Variants in OPHN1 observed in about 807,000 individuals in gnomAD.
OPHN1 encodes the protein oligophrenin 1.
OPHN1 carries 11 observed loss-of-function variants against 60.7 expected under a neutral mutation model. The ratio of observed to expected loss-of-function variants is 0.18; its 90% confidence interval spans 0.11 to 0.30. OPHN1 has a LOEUF of 0.30. OPHN1 is among the 10% of genes least tolerant of loss of function. The pLI is 1.00. For missense variants in OPHN1, 449 were observed against 611.0 expected, an observed-to-expected ratio of 0.73 and a Z score of 2.80; for synonymous variants, 226 against 222.6, an observed-to-expected ratio of 1.02 and a Z score of -0.14.
intron 7 of OPHN1, among the ~76,000 whole-genome samples, chrX:68,213,612 G>A (rs1202675738): frequency 1.9e-5 from 2 of 106,868 alleles, no homozygotes; most frequent in East Asian, 5.9e-4. Flanking sequence ...CCGGAAGGGG[G>A]GAGGAAAGAG....
At chrX:68,324,943 C>T (rs1452998163) in intron 2 of OPHN1, among the ~76,000 whole-genome samples, 9 of 109,436 alleles carry the variant, frequency 8.2e-5, no homozygotes, top group Non-Finnish European at 1.3e-4. Flanking sequence ...CCCAGCTACG[C>T]GGGAGGCTGA....
chrX:68,120,240 T>C (rs983006687), intron 15 of OPHN1, among the ~76,000 whole-genome samples: 20 of 111,707 alleles, frequency 1.8e-4, no homozygotes, highest in African/African-American at 5.5e-4. Context: ...AGAACTGTGC[T>C]TCTCAGATGA....
intron 2 of OPHN1, among the ~76,000 whole-genome samples, chrX:68,372,732 G>A (rs1203770659): frequency 9.0e-6 from 1 of 110,672 alleles, no homozygotes; most frequent in Non-Finnish European, 1.9e-5. Context: ...CAATTGCAGT[G>A]TCAGTTTCCA....
At chrX:68,129,014 T>G (rs1292060001) in intron 15 of OPHN1, among the ~76,000 whole-genome samples, 1 of 112,275 alleles carries the variant, frequency 8.9e-6, no homozygotes, top group Non-Finnish European at 1.9e-5. Context: ...AAAAATAAGT[T>G]AGATCTCTAT....
intron 4 of OPHN1, among the ~76,000 whole-genome samples, chrX:68,279,892 C>T (rs1293248267): frequency 1.8e-5 from 2 of 111,853 alleles, no homozygotes; most frequent in Admixed American, 1.9e-4. Context: ...AACAACATCT[C>T]AAAAGATGAA....
At position 68,257,523 on chromosome X, in the gene OPHN1, C is replaced by A. The variant is rs771739652; in HGVS notation, c.384+17215G>T. Among the ~76,000 whole-genome samples, 3 of 111,261 alleles carry A rather than the reference C, an allele frequency of 2.7e-5. No individual in the cohort carries two copies. In the South Asian group the frequency reaches 1.1e-3, roughly 42 times the overall value. On this transcript the variant is annotated intron_variant, in intron 5 of 24. Transcript: ENST00000355520. ...TGTAAAATGGGGGATAAAATCTTCACAGGGTACTGTAAAAATTAGATGGCA... is the reference window on the plus strand; with the variant it reads ...TGTAAAATGGGGGATAAAATCTTCAAAGGGTACTGTAAAAATTAGATGGCA...
intron 20 of OPHN1, chrX:68,071,466 G>A (rs1483698634): frequency 8.8e-6 from 8 of 913,773 alleles, no homozygotes; most frequent in Non-Finnish European, 8.0e-6. Context: ...CCACTTCTGG[G>A]CCTACACAGT....
rs73532176 is a variant in OPHN1 at position 68,292,881 on chromosome X, G to A, written c.250+6120C>T. ...ATCACCACAGCAGAAGGTGCATTGG[G>A]CTAGAACTTTCCCCAGAAAAGCTAT... On this transcript the variant is annotated intron_variant, in intron 3 of 24. Transcript: ENST00000355520. 8.0e-3 allele frequency among the ~76,000 whole-genome samples: 892 copies of A among 112,004 alleles called. 8 individuals are homozygous for A. The highest frequency in any genetic ancestry group is 0.027 in the African/African-American group (836 of 30,830).
chrX:68,088,808 CA>C (rs1211489733), intron 19 of OPHN1, among the ~76,000 whole-genome samples: 1 of 110,328 alleles, frequency 9.1e-6, no homozygotes, highest in African/African-American at 3.3e-5. Context: ...AAACAAGGCT[CA>C]GGGGGGTAAA....
At chrX:68,249,565 T>G (rs2077823319) in intron 5 of OPHN1, among the ~76,000 whole-genome samples, 1 of 111,657 alleles carries the variant, frequency 9.0e-6, no homozygotes, top group South Asian at 3.8e-4. Context: ...TCAGCAAATC[T>G]CCCCTCTGTG....
intron 2 of OPHN1, among the ~76,000 whole-genome samples, chrX:68,307,889 T>C (rs1226791852): frequency 8.9e-6 from 1 of 111,842 alleles, no homozygotes; most frequent in Non-Finnish European, 1.9e-5. Flanking sequence ...ACAATAAAAA[T>C]GCCCGAGGGA....
chrX:68,390,545 G>A (rs981414849), intron 2 of OPHN1, among the ~76,000 whole-genome samples: 1 of 111,839 alleles, frequency 8.9e-6, no homozygotes, highest in African/African-American at 3.3e-5. Flanking sequence ...GCTGCAGTCA[G>A]CAGAAATTGC....
chrX:68,154,601 T>A (rs2077299989), intron 15 of OPHN1, among the ~76,000 whole-genome samples: 1 of 112,095 alleles, frequency 8.9e-6, no homozygotes, highest in Non-Finnish European at 1.9e-5. Flanking sequence ...TCTACTATGA[T>A]TCTTATTTTG....
chrX:68,205,239 G>A (rs1023611626), intron 10 of OPHN1, among the ~76,000 whole-genome samples: 4 of 110,761 alleles, frequency 3.6e-5, no homozygotes, highest in Non-Finnish European at 5.7e-5. Flanking sequence ...CCTGAGGTCG[G>A]GAATTCGAGA....
intron 21 of OPHN1, among the ~76,000 whole-genome samples, chrX:68,062,809 C>T (rs774346547): frequency 8.9e-6 from 1 of 112,293 alleles, no homozygotes; most frequent in African/African-American, 3.2e-5. Flanking sequence ...TTATATCTTA[C>T]TATCTTCATA....
intron 2 of OPHN1, among the ~76,000 whole-genome samples, chrX:68,353,597 C>T (rs761088543): frequency 1.4e-4 from 15 of 110,055 alleles, no homozygotes; most frequent in Non-Finnish European, 2.1e-4. Flanking sequence ...AAATAAATAA[C>T]GTGTAAAAAG....
chrX:68,217,172 G>A lies in OPHN1; in HGVS notation c.487-3200C>T, dbSNP rs185421219. Among the ~76,000 whole-genome samples the A allele has an allele frequency of 5.6e-3, 623 of 111,944 alleles. 5 individuals are homozygous for A. The highest frequency in any genetic ancestry group is 0.019 in the African/African-American group (597 of 30,855). The stretch of plus-strand genomic sequence containing the variant: ...GAGTCAAAGAAAGGGGTGACGGATG[G>A]CACCTGGAAAATCGGGTCACTCCCA... On this transcript the variant is annotated intron_variant, in intron 6 of 24. Coordinates refer to ENST00000355520, the MANE Select transcript of OPHN1 (RefSeq NM_002547.3).
intron 15 of OPHN1, among the ~76,000 whole-genome samples, chrX:68,121,034 C>T (rs749859334): frequency 1.8e-5 from 2 of 112,236 alleles, no homozygotes; most frequent in East Asian, 5.7e-4. Context: ...AACCATAAAA[C>T]TACTAGAAGA....
chrX:68,251,669 A>T (rs886891241), intron 5 of OPHN1, among the ~76,000 whole-genome samples: 1 of 111,264 alleles, frequency 9.0e-6, no homozygotes, highest in African/African-American at 3.3e-5. Context: ...TGGACCCTTA[A>T]TGCTCAAATA....
Sources: allele counts gnomAD v4.1 joint callset (sites outside exome capture counted in the v4.1 genomes callset), GRCh38; gene constraint gnomAD v4.1.1; transcripts MANE v1.5; gene names NCBI Gene and HGNC (gene_info 2026-07-23, HGNC 2026-07-21).